KIAA0930: variants seen among roughly 807,000 people sequenced by gnomAD.
KIAA0930 encodes KIAA0930, also known as uncharacterized protein KIAA0930.
KIAA0930 carries 24 observed loss-of-function variants against 43.9 expected under a neutral mutation model. The ratio of observed to expected loss-of-function variants is 0.55; its 90% CI spans 0.40 to 0.77. The LOEUF is 0.77. Among genes scored for constraint, KIAA0930 ranks in the 30% least tolerant of loss-of-function variants. KIAA0930 has a pLI of 0.00. For synonymous variants in KIAA0930, 259 were observed against 216.4 expected, an observed-to-expected ratio of 1.20 and a Z score of -1.73; for missense variants, 461 against 574.2, an observed-to-expected ratio of 0.80 and a Z score of 2.02.
At chr22:45,212,322 C>T (rs759005878) in intron 1 of KIAA0930, 1 of 1,612,514 alleles carries the variant, frequency 6.2e-7, no homozygotes, top group Non-Finnish European at 8.5e-7. Context: ...TTCCTCCACT[C>T]AGCAGCAGCC....
chr22:45,236,671 T>C (rs1182866903), intron 1 of KIAA0930, among the ~76,000 whole-genome samples: 1 of 152,164 alleles, frequency 6.6e-6, no homozygotes, highest in African/African-American at 2.4e-5. Flanking sequence ...ATTAAGAGCT[T>C]GGGCTCAGCA....
At chr22:45,209,275 A>ACTCCG (rs2083670794) in intron 2 of KIAA0930, among the ~76,000 whole-genome samples, 1 of 151,774 alleles carries the variant, frequency 6.6e-6, no homozygotes, top group Non-Finnish European at 1.5e-5. Context: ...TGCGCAGGCG[A>ACTCCG]CTCCGCGGGT....
intron 5 of KIAA0930, among the ~76,000 whole-genome samples, chr22:45,204,473 C>T (rs1005907683): frequency 5.9e-5 from 9 of 152,252 alleles, no homozygotes; most frequent in African/African-American, 1.7e-4. Flanking sequence ...CTGTGAGCTC[C>T]GAGGCCACAA....
intron 1 of KIAA0930, among the ~76,000 whole-genome samples, chr22:45,219,293 A>G (rs1312620271): frequency 3.3e-5 from 5 of 152,178 alleles, no homozygotes; most frequent in Non-Finnish European, 7.3e-5. Context: ...CGCACTTAGA[A>G]ACGATGAATG....
At chr22:45,213,860 A>C (rs2083715100) in intron 1 of KIAA0930, among the ~76,000 whole-genome samples, 1 of 152,122 alleles carries the variant, frequency 6.6e-6, no homozygotes, top group Admixed American at 6.5e-5. Flanking sequence ...AAACACAAAA[A>C]TTAGCCAGGC....
intron 2 of KIAA0930, among the ~76,000 whole-genome samples, chr22:45,208,025 C>T (rs1196947525): frequency 1.3e-5 from 2 of 152,144 alleles, no homozygotes; most frequent in South Asian, 2.1e-4. Context: ...CACGGCTGTT[C>T]GGGGCAGCAC....
chr22:45,235,354 GAC>G (rs1276292457), intron 1 of KIAA0930: 1 of 152,354 alleles, frequency 6.6e-6, no homozygotes. Context: ...CGTCCGGAAG[GAC>G]ACAGAGTCTC....
At chr22:45,233,032 G>A (rs552852310) in intron 1 of KIAA0930, among the ~76,000 whole-genome samples, 69 of 152,262 alleles carry the variant, frequency 4.5e-4, no homozygotes, top group African/African-American at 1.7e-3. Flanking sequence ...AGGTGGCTGG[G>A]AGCAGGCCAG....
intron 1 of KIAA0930, among the ~76,000 whole-genome samples, chr22:45,228,745 C>CCAT (rs2083821043): frequency 1.6e-5 from 1 of 63,708 alleles, no homozygotes; most frequent in Non-Finnish European, 2.9e-5. Context: ...CACCCCCCTA[C>CCAT]CACCACTCAC....
At position 45,212,291 on chromosome 22, in the gene KIAA0930, G is replaced by A. The variant is rs373339760; in HGVS notation, c.65-184C>T. The A allele has an allele frequency of 5.6e-5, 91 of 1,613,068 alleles. 1 individual carries two copies. The highest frequency in any genetic ancestry group is 3.8e-4 in the Admixed American group (23 of 60,028). On this transcript the variant is annotated intron_variant, in intron 1 of 9. Transcript: ENST00000336156. ...CATGGAGCATCCAGAGAGGCTGGAGGACACCTCCCAGGAGGCCCAGTTCCT... is the reference window on the plus strand; with the variant it reads ...CATGGAGCATCCAGAGAGGCTGGAGAACACCTCCCAGGAGGCCCAGTTCCT...
chr22:45,230,682 T>C (rs2083847538), intron 1 of KIAA0930, among the ~76,000 whole-genome samples: 1 of 151,188 alleles, frequency 6.6e-6, no homozygotes, highest in South Asian at 2.1e-4. Flanking sequence ...CCCGGGTTCA[T>C]GCAATTCTCC....
At chr22:45,211,748 A>G (rs776376355) in intron 2 of KIAA0930, among the ~76,000 whole-genome samples, 2 of 152,190 alleles carry the variant, frequency 1.3e-5, no homozygotes, top group African/African-American at 4.8e-5. Context: ...GTGAAGATGA[A>G]TGACAATGTG....
intron 1 of KIAA0930, among the ~76,000 whole-genome samples, chr22:45,222,350 C>T (rs2083772402): frequency 6.6e-6 from 1 of 152,198 alleles, no homozygotes; most frequent in African/African-American, 2.4e-5. Context: ...GGGTCCCACT[C>T]TGTCACCTAG....
intron 5 of KIAA0930, 116 bp from the exon 6 acceptor site, chr22:45,204,101 C>T: frequency 1.5e-6 from 2 of 1,349,624 alleles, no homozygotes; most frequent in Non-Finnish European, 2.1e-6. Flanking sequence ...CAGGGGACAA[C>T]CGGCTGTCAC....
chr22:45,236,719 C>T (rs937934494), intron 1 of KIAA0930, among the ~76,000 whole-genome samples: 1 of 152,168 alleles, frequency 6.6e-6, no homozygotes, highest in Non-Finnish European at 1.5e-5. Context: ...CTGGGGGCAC[C>T]TTACTTCCCC....
At chr22:45,216,136 A>T (rs1247914349) in intron 1 of KIAA0930, among the ~76,000 whole-genome samples, 1 of 152,230 alleles carries the variant, frequency 6.6e-6, no homozygotes. Flanking sequence ...TCCAAGAGCC[A>T]GGAAAGGTCG....
intron 6 of KIAA0930, among the ~76,000 whole-genome samples, chr22:45,203,598 G>A (rs1031713462): frequency 2.0e-5 from 3 of 152,188 alleles, no homozygotes; most frequent in Non-Finnish European, 4.4e-5. Flanking sequence ...ACTAGAGACT[G>A]AGGAGGAAGT....
intron 3 of KIAA0930, 23 bp downstream of exon 3, chr22:45,205,770 G>GGGGCCCC: frequency 6.4e-5 from 98 of 1,523,510 alleles, no homozygotes; most frequent in Middle Eastern, 1.7e-4. Context: ...CCAATCCGCA[G>GGGGCCCC]CCCCACCCAT....
At position 45,203,098 on chromosome 22, in the gene KIAA0930, G is replaced by T. The variant is rs1470163700; in HGVS notation, c.744C>A (p.Pro248=). ...CCATCTCGGCGTGGCCCTTGCCCTG[G>T]GGGCCCTTCATGCGCACAAACTCCA... The part of the protein sequence containing the change: ...SNMEFVRMKG[P]QGKGHAEMAV... The change falls in exon 7 of 10, where the codon CCC becomes CCA. Residue 248 remains proline (P), a synonymous_variant. Transcript: ENST00000336156. 1 of 1,613,810 alleles carries T rather than the reference G, an allele frequency of 6.2e-7. No homozygotes were observed. Among genetic ancestry groups the T allele is most frequent in the Non-Finnish European group, 8.5e-7 (1 of 1,179,870 alleles).
Sources: allele counts gnomAD v4.1 joint callset (sites outside exome capture counted in the v4.1 genomes callset), GRCh38; gene constraint gnomAD v4.1.1; transcripts MANE v1.5; gene names NCBI Gene and HGNC (gene_info 2026-07-23, HGNC 2026-07-21).